CDH13: variants seen among roughly 807,000 people sequenced by gnomAD.
CDH13 encodes cadherin-13.
In CDH13, 24 loss-of-function variants were observed where a neutral mutation model predicts 63.8. The ratio of observed to expected loss-of-function variants is 0.38; its 90% CI spans 0.27 to 0.53. The LOEUF (loss-of-function observed/expected upper bound fraction) is 0.53, where lower values mean the gene tolerates loss of function less well. Ranked by LOEUF, CDH13 falls within the 20% of genes least tolerant of loss-of-function variation. The pLI, the probability that CDH13 is intolerant of heterozygous loss-of-function variation, is 0.85. For missense variants in CDH13, 1,049 were observed against 903.1 expected, an observed-to-expected ratio of 1.16 and a Z score of -2.07; for synonymous variants, 503 against 355.3, an observed-to-expected ratio of 1.42 and a Z score of -4.67.
At chr16:83,272,624 G>C (rs571774329) in intron 5 of CDH13, among the ~76,000 whole-genome samples, 2 of 152,242 alleles carry the variant, frequency 1.3e-5, no homozygotes, top group African/African-American at 4.8e-5. Context: ...AGGCTGCAGA[G>C]AGACATCTCT....
intron 1 of CDH13, among the ~76,000 whole-genome samples, chr16:82,815,136 A>G (rs1269384566): frequency 6.6e-6 from 1 of 152,114 alleles, no homozygotes; most frequent in Non-Finnish European, 1.5e-5. Flanking sequence ...ACCTGAATGC[A>G]CAGTAGGGTA....
chr16:83,385,422 C>T (rs1597888614), intron 6 of CDH13, among the ~76,000 whole-genome samples: 1 of 152,162 alleles, frequency 6.6e-6, no homozygotes. Flanking sequence ...GGCAAGGTGG[C>T]CTGATCACTT....
Position 83,217,504 on chromosome 16 carries a change from A to G in CDH13, c.636+7A>G, listed in dbSNP as rs2039571947. Reference sequence around the variant, plus strand: ...AGTAATCGCTGTTTATCAAGTGAGTACCCCTCTCCCATGCCCACCCTGTGC... The same window carrying G: ...AGTAATCGCTGTTTATCAAGTGAGTGCCCCTCTCCCATGCCCACCCTGTGC... On this transcript the variant is annotated splice_region_variant and intron_variant, in intron 5 of 13. Transcript: ENST00000567109. 1 of 1,611,110 alleles carries G rather than the reference A, an allele frequency of 6.2e-7. No homozygotes were observed. Among genetic ancestry groups the G allele is most frequent in the Non-Finnish European group, 8.5e-7 (1 of 1,177,976 alleles).
chr16:82,987,829 G>C (rs1911143558), intron 2 of CDH13, among the ~76,000 whole-genome samples: 1 of 152,224 alleles, frequency 6.6e-6, no homozygotes. Flanking sequence ...CAAGGATTTT[G>C]TGTTGGGTTG....
intron 1 of CDH13, among the ~76,000 whole-genome samples, chr16:82,680,356 A>T (rs1914412495): frequency 6.6e-6 from 1 of 152,196 alleles, no homozygotes; most frequent in African/African-American, 2.4e-5. Flanking sequence ...ACACATCATG[A>T]AACTGAGACT....
chr16:83,402,327 A>G (rs2091981127), intron 6 of CDH13, among the ~76,000 whole-genome samples: 2 of 152,146 alleles, frequency 1.3e-5, no homozygotes, highest in South Asian at 2.1e-4. Flanking sequence ...ATTATTGGCA[A>G]GATTATAGAA....
chr16:83,283,214 T>A (rs1415701749), intron 5 of CDH13, among the ~76,000 whole-genome samples: 1 of 152,168 alleles, frequency 6.6e-6, no homozygotes, highest in Non-Finnish European at 1.5e-5. Flanking sequence ...CCTGTGGAGT[T>A]ACTGGATGAT....
intron 2 of CDH13, among the ~76,000 whole-genome samples, chr16:82,928,102 C>A (rs1256760193): frequency 1.3e-5 from 2 of 152,012 alleles, no homozygotes; most frequent in Non-Finnish European, 2.9e-5. Flanking sequence ...GAACTATGAT[C>A]ATACCATTTG....
intron 7 of CDH13, among the ~76,000 whole-genome samples, chr16:83,536,194 A>G (rs1445935828): frequency 6.6e-6 from 1 of 152,244 alleles, no homozygotes; most frequent in Non-Finnish European, 1.5e-5. Flanking sequence ...CTATGGGGGA[A>G]AAATGAGTAA....
At chr16:82,722,724 C>T (rs1597405503) in intron 1 of CDH13, among the ~76,000 whole-genome samples, 1 of 152,148 alleles carries the variant, frequency 6.6e-6, no homozygotes, top group African/African-American at 2.4e-5. Context: ...CAAGCTCTGC[C>T]TAGTTCTCCT....
chr16:82,780,844 T>A (rs2035721387), intron 1 of CDH13, among the ~76,000 whole-genome samples: 1 of 152,230 alleles, frequency 6.6e-6, no homozygotes, highest in African/African-American at 2.4e-5. Flanking sequence ...ATAAAAACTG[T>A]AATAACCCGA....
At chr16:83,533,976 C>CA (rs1455603227) in intron 7 of CDH13, among the ~76,000 whole-genome samples, 1 of 152,132 alleles carries the variant, frequency 6.6e-6, no homozygotes, top group Non-Finnish European at 1.5e-5. Context: ...TTTGTCAAGG[C>CA]AAAATTCACA....
Position 82,644,903 on chromosome 16 carries a change from G to A in CDH13, c.45+17766G>A, listed in dbSNP as rs550331302. Among the ~76,000 whole-genome samples the A allele has an allele frequency of 6.6e-6, 1 of 151,840 alleles. No individual in the cohort carries two copies. The highest frequency in any genetic ancestry group is 1.5e-5 in the Non-Finnish European group (1 of 67,910). ...ATGGGAGGTTAATATGGGTTCTGGG[G>A]AAAAAAAATTAGGGGAATCAAAAAA... On this transcript the variant is annotated intron_variant, in intron 1 of 13. Transcript: ENST00000567109. This position sits in a 1 kb window ranked among gnomAD's most constrained non-coding sequence, Gnocchi z 5.7.
chr16:83,106,797 T>A (rs900705244), intron 3 of CDH13, among the ~76,000 whole-genome samples: 2 of 152,216 alleles, frequency 1.3e-5, no homozygotes, highest in African/African-American at 4.8e-5. Flanking sequence ...TAAAATGCTA[T>A]TCTGTTTGTC....
intron 7 of CDH13, among the ~76,000 whole-genome samples, chr16:83,508,685 C>T (rs1223510696): frequency 2.0e-5 from 3 of 152,206 alleles, no homozygotes; most frequent in Non-Finnish European, 2.9e-5. Context: ...CAGAGATAAT[C>T]TGCCCATTGC....
chr16:83,218,509 G>T (rs1401325026), intron 5 of CDH13, among the ~76,000 whole-genome samples: 2 of 152,192 alleles, frequency 1.3e-5, no homozygotes, highest in Non-Finnish European at 2.9e-5. Context: ...GGTGACCTCA[G>T]AAATACCCAG....
intron 2 of CDH13, among the ~76,000 whole-genome samples, chr16:82,983,003 G>A (rs1910481073): frequency 6.6e-6 from 1 of 152,118 alleles, no homozygotes; most frequent in East Asian, 1.9e-4. Flanking sequence ...CCACCACAGG[G>A]AACACGACTG....
chr16:82,837,597 A>C (rs780808802), intron 1 of CDH13, among the ~76,000 whole-genome samples: 17 of 152,200 alleles, frequency 1.1e-4, no homozygotes, highest in South Asian at 2.1e-4. Flanking sequence ...CAAGATTTCC[A>C]CAATCCCCTC....
intron 3 of CDH13, among the ~76,000 whole-genome samples, chr16:83,087,233 C>T (rs569225166): frequency 2.0e-5 from 3 of 152,006 alleles, no homozygotes; most frequent in Non-Finnish European, 4.4e-5. Flanking sequence ...CTTAATTTGA[C>T]GTGATAAAGT....
Sources: allele counts gnomAD v4.1 joint callset (sites outside exome capture counted in the v4.1 genomes callset), GRCh38; gene constraint gnomAD v4.1.1; non-coding constraint Gnocchi (gnomAD v3.1); transcripts MANE v1.5; gene names NCBI Gene and HGNC (gene_info 2026-07-23, HGNC 2026-07-21).